CRACD: variants seen among roughly 807,000 people sequenced by gnomAD.
CRACD encodes the protein capping protein inhibiting regulator of actin dynamics.
In CRACD, 56 loss-of-function variants were observed where a neutral mutation model predicts 106.8. The observed-to-expected ratio is 0.52, with a 90% CI of 0.42 to 0.66. The LOEUF (loss-of-function observed/expected upper bound fraction) is 0.66, where lower values mean the gene tolerates loss of function less well. Among genes scored for constraint, CRACD ranks in the 30% least tolerant of loss-of-function variants. The probability of loss-of-function intolerance (pLI) is 0.00; values close to 1 mark genes in which losing one functional copy is unlikely to be tolerated. For synonymous variants in CRACD, 754 were observed against 670.8 expected (o/e 1.12, Z -1.92); for missense variants, 1,730 against 1,623.2 (o/e 1.07, Z -1.13).
chr4:56,275,400 G>A (rs984438253), intron 3 of CRACD, among the ~76,000 whole-genome samples: 6 of 152,080 alleles, frequency 3.9e-5, no homozygotes, highest in Admixed American at 2.0e-4. Flanking sequence ...GCTATAGTGC[G>A]CTATGATCAT....
chr4:56,205,664 GAC>G (rs76219416), intron 2 of CRACD, among the ~76,000 whole-genome samples: 9,332 of 152,076 alleles, frequency 0.061, 1,076 homozygotes, highest in East Asian at 0.52. Flanking sequence ...TTTATTTAGA[GAC>G]AGGGTCTCAC....
intron 2 of CRACD, among the ~76,000 whole-genome samples, chr4:56,211,605 T>C (rs67713353): frequency 0.29 from 43,939 of 152,180 alleles, 6,529 homozygotes; most frequent in Non-Finnish European, 0.31. Context: ...GGAGAGGGGA[T>C]GTGCAGGGGT....
chr4:56,174,168 A>G (rs1736490392), intron 1 of CRACD, among the ~76,000 whole-genome samples: 1 of 152,114 alleles, frequency 6.6e-6, no homozygotes, highest in Non-Finnish European at 1.5e-5. Context: ...TAAATTTTTA[A>G]TGGATACATA....
At chr4:56,062,958 C>T (rs113448539) in intron 1 of CRACD, among the ~76,000 whole-genome samples, 1,597 of 152,186 alleles carry the variant, frequency 0.01, 31 homozygotes, top group African/African-American at 0.036. Flanking sequence ...CAGTCCCTGT[C>T]GTAATGTGAT....
intron 2 of CRACD, among the ~76,000 whole-genome samples, chr4:56,237,545 TATTG>T (rs1401903059): frequency 6.6e-6 from 1 of 152,150 alleles, no homozygotes; most frequent in Non-Finnish European, 1.5e-5. Flanking sequence ...GACTACCTAT[TATTG>T]ATTATGTGCA....
chr4:56,208,386 G>T (rs951941945), intron 2 of CRACD, among the ~76,000 whole-genome samples: 5 of 152,100 alleles, frequency 3.3e-5, no homozygotes, highest in African/African-American at 9.7e-5. Flanking sequence ...GAAGGGATTC[G>T]ATTGTTCTCA....
chr4:56,239,347 A>G (rs1034669123), intron 2 of CRACD, among the ~76,000 whole-genome samples: 1 of 151,952 alleles, frequency 6.6e-6, no homozygotes, highest in African/African-American at 2.4e-5. Context: ...CTTTCATTTT[A>G]TGAGATGTCT....
intron 1 of CRACD, among the ~76,000 whole-genome samples, chr4:56,077,127 G>C (rs1007138118): frequency 6.6e-6 from 1 of 152,236 alleles, no homozygotes; most frequent in Non-Finnish European, 1.5e-5. Flanking sequence ...CCCAAGACTG[G>C]GTAATTTATA....
At chr4:56,175,619 C>T (rs1443626665) in intron 1 of CRACD, among the ~76,000 whole-genome samples, 1 of 152,100 alleles carries the variant, frequency 6.6e-6, no homozygotes, top group Non-Finnish European at 1.5e-5. Flanking sequence ...CCTCTTTTGC[C>T]ATTTTTAAAT....
intron 2 of CRACD, among the ~76,000 whole-genome samples, chr4:56,255,531 C>A (rs898862494): frequency 1.5e-4 from 23 of 151,890 alleles, no homozygotes; most frequent in African/African-American, 4.8e-4. Flanking sequence ...AGTGTCACTG[C>A]AATAACATCA....
intron 2 of CRACD, among the ~76,000 whole-genome samples, chr4:56,198,990 T>C (rs1444043874): frequency 1.3e-5 from 2 of 152,172 alleles, no homozygotes; most frequent in Non-Finnish European, 2.9e-5. Context: ...TCTGGGTTTT[T>C]GTTTATGTTT....
At chr4:56,202,946 C>T (rs1737952567) in intron 2 of CRACD, among the ~76,000 whole-genome samples, 1 of 152,156 alleles carries the variant, frequency 6.6e-6, no homozygotes, top group African/African-American at 2.4e-5. Context: ...CAAGAGTTTG[C>T]TTCACCCTAA....
chr4:56,121,239 C>T (rs1405606761), intron 1 of CRACD, among the ~76,000 whole-genome samples: 1 of 152,144 alleles, frequency 6.6e-6, no homozygotes, highest in Non-Finnish European at 1.5e-5. Flanking sequence ...TAAAATATTT[C>T]CTGTGCAAAA....
In CRACD at chr4:56,063,658, G is replaced by A. The variant is rs188557792; in HGVS notation, c.-336+14359G>A. Reference sequence around the variant, plus strand: ...GATCGTAGAATGTTTGGCCTTTTGCGTCTCATTTCAGGTCACATGCTTTTA... The same window carrying A: ...GATCGTAGAATGTTTGGCCTTTTGCATCTCATTTCAGGTCACATGCTTTTA... On this transcript the variant is annotated intron_variant, in intron 1 of 10. Transcript: ENST00000682029. 2.5e-3 allele frequency among the ~76,000 whole-genome samples: 387 copies of A among 152,034 alleles called. 2 individuals are homozygous for A. The highest frequency in any genetic ancestry group is 9.0e-3 in the African/African-American group (374 of 41,464).
chr4:56,205,647 T>G (rs1292701250), intron 2 of CRACD, among the ~76,000 whole-genome samples: 1 of 150,000 alleles, frequency 6.7e-6, no homozygotes, highest in Non-Finnish European at 1.5e-5. Flanking sequence ...TAAAAAGTAT[T>G]TATTTGTTTA....
At chr4:56,236,140 G>A (rs1463941309) in intron 2 of CRACD, among the ~76,000 whole-genome samples, 2 of 152,158 alleles carry the variant, frequency 1.3e-5, no homozygotes, top group Admixed American at 6.5e-5. Context: ...ATTAGGGTGG[G>A]CCCTAATCCA....
chr4:56,055,696 C>T (rs150451434), intron 1 of CRACD, among the ~76,000 whole-genome samples: 4 of 152,246 alleles, frequency 2.6e-5, no homozygotes, highest in South Asian at 2.1e-4. Context: ...GCTTTATTTA[C>T]GATGCACCTG....
At chr4:56,106,299 ACT>A (rs1314034562) in intron 1 of CRACD, among the ~76,000 whole-genome samples, 4 of 152,274 alleles carry the variant, frequency 2.6e-5, no homozygotes, top group African/African-American at 9.6e-5. Context: ...CCCTAGGAAG[ACT>A]CTGAATTATA....
chr4:56,177,906 C>T (rs1736654781), intron 1 of CRACD, among the ~76,000 whole-genome samples: 1 of 151,968 alleles, frequency 6.6e-6, no homozygotes. Flanking sequence ...CTCCTTGTTT[C>T]TTAGCTTAGG....
Sources: allele counts gnomAD v4.1 joint callset (sites outside exome capture counted in the v4.1 genomes callset), GRCh38; gene constraint gnomAD v4.1.1; transcripts MANE v1.5; gene names NCBI Gene and HGNC (gene_info 2026-07-23, HGNC 2026-07-21).